The following GALNTL6 variants were observed in gnomAD, a reference collection of about 807,000 sequenced individuals.
GALNTL6 encodes polypeptide N-acetylgalactosaminyltransferase-like 6.
GALNTL6 carries 46 observed loss-of-function variants against 73.7 expected under a neutral mutation model. That is an observed-to-expected ratio of 0.62 (90% confidence interval 0.49 to 0.80). The LOEUF is 0.80. Among genes scored for constraint, GALNTL6 ranks in the 30% least tolerant of loss-of-function variants. The pLI is 0.00. For synonymous variants in GALNTL6, 259 were observed against 263.7 expected (o/e 0.98, Z 0.17); for missense variants, 604 against 755.0 (o/e 0.80, Z 2.34).
chr4:172,599,759 C>T (rs911663491), intron 5 of GALNTL6, among the ~76,000 whole-genome samples: 4 of 152,030 alleles, frequency 2.6e-5, no homozygotes, highest in Admixed American at 6.6e-5. Flanking sequence ...AAAGTCATTG[C>T]GTTTTTTGAC....
chr4:172,057,991 G>T (rs1256256159), intron 2 of GALNTL6, among the ~76,000 whole-genome samples: 1 of 151,856 alleles, frequency 6.6e-6, no homozygotes. Context: ...TTGTGTGCTT[G>T]TACTCCATGT....
chr4:172,994,219 G>A (rs1357465526), intron 10 of GALNTL6, among the ~76,000 whole-genome samples: 1 of 152,186 alleles, frequency 6.6e-6, no homozygotes, highest in Non-Finnish European at 1.5e-5. Flanking sequence ...TTTGGAAGGA[G>A]TATATTTGCT....
intron 5 of GALNTL6, among the ~76,000 whole-genome samples, chr4:172,563,179 C>A (rs1560809652): frequency 6.6e-6 from 1 of 152,170 alleles, no homozygotes; most frequent in Non-Finnish European, 1.5e-5. Context: ...AATTGCTAGA[C>A]CTGTCAATAC....
chr4:172,052,802 C>T (rs1730913299), intron 2 of GALNTL6, among the ~76,000 whole-genome samples: 2 of 152,126 alleles, frequency 1.3e-5, no homozygotes, highest in African/African-American at 4.8e-5. Flanking sequence ...TTCTCATGAA[C>T]TTTTCCTATA....
At chr4:172,962,244 G>C (rs564476496) in intron 10 of GALNTL6, among the ~76,000 whole-genome samples, 5 of 152,150 alleles carry the variant, frequency 3.3e-5, no homozygotes, top group South Asian at 4.1e-4. Flanking sequence ...GGCAGGAACT[G>C]GCCATCTGGA....
intron 10 of GALNTL6, among the ~76,000 whole-genome samples, chr4:172,963,356 A>G (rs995719556): frequency 6.6e-6 from 1 of 151,342 alleles, no homozygotes; most frequent in Non-Finnish European, 1.5e-5. Flanking sequence ...AACACTCCCT[A>G]CTCCCTTTCC....
intron 2 of GALNTL6, among the ~76,000 whole-genome samples, chr4:172,208,204 C>A (rs937750644): frequency 1.3e-5 from 2 of 152,196 alleles, no homozygotes; most frequent in Non-Finnish European, 2.9e-5. Context: ...GATACTGTCT[C>A]TTTTCCCCAG....
chr4:172,380,252 T>C, intron 5 of GALNTL6: 9 of 877,292 alleles, frequency 1.0e-5, no homozygotes, highest in Non-Finnish European at 1.8e-5. Context: ...CTTGTCTACA[T>C]TAGGATGACA....
intron 7 of GALNTL6, among the ~76,000 whole-genome samples, chr4:172,849,249 C>G (rs1743682688): frequency 6.6e-6 from 1 of 152,056 alleles, no homozygotes; most frequent in African/African-American, 2.4e-5. Flanking sequence ...AGATTGAGAG[C>G]CAAAATATCT....
chr4:171,916,536 T>C (rs899244649), intron 2 of GALNTL6, among the ~76,000 whole-genome samples: 8 of 152,170 alleles, frequency 5.3e-5, no homozygotes, highest in African/African-American at 1.9e-4. Context: ...AAGTCTGACA[T>C]GTACTTTGAC....
At chr4:172,367,460 A>C (rs188495683) in intron 5 of GALNTL6, among the ~76,000 whole-genome samples, 173 of 151,584 alleles carry the variant, frequency 1.1e-3, no homozygotes, top group African/African-American at 4.0e-3. Flanking sequence ...GCCCCTAGAA[A>C]GACCTTTTTT....
Position 172,290,384 on chromosome 4 carries a change from C to T in GALNTL6, c.248-21230C>T, listed in dbSNP as rs142108352. 8.5e-3 allele frequency among the ~76,000 whole-genome samples: 1,296 copies of T among 152,010 alleles called. 20 individuals carry two copies. The highest frequency in any genetic ancestry group is 0.03 in the African/African-American group (1,235 of 41,474). ...TTTTGTGGCTAGTTCTGTAAAGAAC[C>T]CTTTGTACTTAAATCTAGTTTATGT... is the stretch of plus-strand genomic sequence containing the variant. On this transcript the variant is annotated intron_variant, in intron 3 of 12. Coordinates refer to ENST00000506823, the MANE Select transcript of GALNTL6 (RefSeq NM_001034845.3).
chr4:172,221,582 C>T (rs1178615756), intron 2 of GALNTL6, among the ~76,000 whole-genome samples: 1 of 151,610 alleles, frequency 6.6e-6, no homozygotes. Flanking sequence ...TGTTTCTTCA[C>T]CCTTAGGAAT....
intron 12 of GALNTL6, among the ~76,000 whole-genome samples, chr4:173,022,114 G>GGAAGGAAA (rs1753033951): frequency 1.5e-5 from 2 of 131,692 alleles, no homozygotes; most frequent in African/African-American, 6.2e-5. Flanking sequence ...AAGGAAAGAA[G>GGAAGGAAA]GAAGGAAGGA....
chr4:172,435,065 G>A (rs1459135001), intron 5 of GALNTL6, among the ~76,000 whole-genome samples: 1 of 151,886 alleles, frequency 6.6e-6, no homozygotes, highest in African/African-American at 2.4e-5. Context: ...ATTAATTACT[G>A]GGGTCCTTGG....
intron 2 of GALNTL6, among the ~76,000 whole-genome samples, chr4:172,084,728 C>T (rs1034494669): frequency 3.3e-5 from 5 of 152,098 alleles, no homozygotes; most frequent in South Asian, 2.1e-4. Flanking sequence ...TTTGGCCTAT[C>T]GTATGTTGCA....
At chr4:172,215,547 G>A (rs1357533337) in intron 2 of GALNTL6, among the ~76,000 whole-genome samples, 1 of 151,894 alleles carries the variant, frequency 6.6e-6, no homozygotes, top group Non-Finnish European at 1.5e-5. Context: ...TTTTTCTTTT[G>A]ATTAGTGTTA....
Position 172,391,067 on chromosome 4 carries a change from A to C in GALNTL6, c.553+42378A>C, listed in dbSNP as rs1460750837. 2.6e-5 allele frequency among the ~76,000 whole-genome samples: 4 copies of C among 152,258 alleles called. No homozygotes were observed. In the East Asian group the frequency reaches 7.7e-4, roughly 29 times the overall value. ...ATAGACTAGGTAAATGAGAACCATC[A>C]TACTCAAATTTCAATAAGCTCAATA... On this transcript the variant is annotated intron_variant, in intron 5 of 12. Coordinates refer to ENST00000506823, the MANE Select transcript of GALNTL6 (RefSeq NM_001034845.3).
chr4:172,695,512 A>C (rs1018060181), intron 5 of GALNTL6, among the ~76,000 whole-genome samples: 3 of 152,248 alleles, frequency 2.0e-5, no homozygotes, highest in African/African-American at 7.2e-5. Context: ...ATGCAGCTTC[A>C]CTGTGAGTTC....
Sources: gnomAD v4.1 joint callset for allele counts (sites outside exome capture counted in the v4.1 genomes callset) on GRCh38, gnomAD v4.1.1 for gene constraint, MANE v1.5 for transcripts, NCBI Gene and HGNC (gene_info 2026-07-23, HGNC 2026-07-21) for gene names.